The following FAHD1 variants were observed in gnomAD, a reference collection of about 807,000 sequenced individuals.
The protein encoded by FAHD1 is oxaloacetate tautomerase FAHD1, mitochondrial.
In FAHD1, 14 loss-of-function variants were observed where a neutral mutation model predicts 12.7. The observed-to-expected ratio is 1.10, with a 90% CI of 0.73 to 1.72. The LOEUF is 1.72. Ranked by LOEUF, FAHD1 falls within the 40% of genes most tolerant of loss-of-function variation. FAHD1 has a pLI of 0.00. For synonymous variants in FAHD1, 153 were observed against 124.9 expected, an observed-to-expected ratio of 1.22 and a Z score of -1.50; for missense variants, 351 against 298.9, an observed-to-expected ratio of 1.17 and a Z score of -1.29.
rs138706449 is a variant in FAHD1 at position 1,835,662 on chromosome 16, C to T, written c.628-2354C>T. ...TACAGGGGCTACACCTCCCATTGCA[C>T]GGACTGAGCTGTTTTAGAACTAGGT... On this transcript the variant is annotated intron_variant, in intron 1 of 2. Transcript: ENST00000382666. Among the ~76,000 whole-genome samples, 72 of 152,196 alleles carry T rather than the reference C, an allele frequency of 4.7e-4. 1 individual carries two copies. The highest frequency in any genetic ancestry group is 1.5e-3 in the African/African-American group (61 of 41,542).
chr16:1,828,288 A>C (rs907039453), exon 1 of FAHD1: 17 of 1,003,920 alleles, frequency 1.7e-5, no homozygotes, highest in Non-Finnish European at 1.6e-5. Flanking sequence ...AAAAAAAAAA[A>C]AAAAAGAAAC....
intron 1 of FAHD1, among the ~76,000 whole-genome samples, chr16:1,836,944 A>G (rs1898763321): frequency 6.6e-6 from 1 of 152,176 alleles, no homozygotes; most frequent in African/African-American, 2.4e-5. Context: ...GGGAGAATAC[A>G]AGAGAAAAGA....
chr16:1,829,236 C>G (rs1898580523), downstream of FAHD1, among the ~76,000 whole-genome samples: 1 of 152,188 alleles, frequency 6.6e-6, no homozygotes, highest in Non-Finnish European at 1.5e-5. Flanking sequence ...CTGCTGGCCC[C>G]TGAAGAAAGC....
At chr16:1,833,769 G>C (rs1898667182), downstream of FAHD1, among the ~76,000 whole-genome samples, 1 of 151,948 alleles carries the variant, frequency 6.6e-6, no homozygotes, top group Non-Finnish European at 1.5e-5. Context: ...CACTGTGTTA[G>C]CCAGGATGGT....
At chr16:1,830,166 C>A (rs1231696863), downstream of FAHD1, among the ~76,000 whole-genome samples, 1 of 152,194 alleles carries the variant, frequency 6.6e-6, no homozygotes, top group Admixed American at 6.5e-5. Flanking sequence ...CCCAGCTATA[C>A]CATACAATTA....
intron 1 of FAHD1, among the ~76,000 whole-genome samples, chr16:1,835,084 G>C (rs1476130321): frequency 6.6e-6 from 1 of 152,128 alleles, no homozygotes; most frequent in East Asian, 1.9e-4. Context: ...GTGAAACCCT[G>C]TCTCTACTAA....
At chr16:1,827,536 A>G in exon 1 of FAHD1, 2 of 1,613,214 alleles carry the variant, frequency 1.2e-6, no homozygotes, top group East Asian at 2.2e-5. Context: ...GTGCCTGGAT[A>G]TGACCGCCCG....
intron 1 of FAHD1, among the ~76,000 whole-genome samples, chr16:1,836,933 C>T (rs1657150): frequency 1.5e-3 from 226 of 152,250 alleles, no homozygotes; most frequent in African/African-American, 5.1e-3. Flanking sequence ...CATTAACTTG[C>T]GGGAGAATAC....
At chr16:1,835,365 T>G (rs1898715335) in intron 1 of FAHD1, among the ~76,000 whole-genome samples, 2 of 152,170 alleles carry the variant, frequency 1.3e-5, no homozygotes, top group Non-Finnish European at 2.9e-5. Context: ...TCTGTGAGAC[T>G]ACAGGAATAT....
chr16:1,828,095 C>T (rs1266795770), exon 1 of FAHD1: 4 of 1,141,616 alleles, frequency 3.5e-6, no homozygotes, highest in Non-Finnish European at 4.7e-6. Context: ...TCTTGGCTAA[C>T]AGGGTGAAAC....
At chr16:1,839,608 TTCTACGCAGC>T (rs1462080592) in exon 3 of FAHD1, 1 of 582,616 alleles carries the variant, frequency 1.7e-6, no homozygotes, top group African/African-American at 1.9e-5. Flanking sequence ...AAAACACACT[TTCTACGCAGC>T]CATTCTCAGG....
intron 1 of FAHD1, among the ~76,000 whole-genome samples, chr16:1,836,786 G>A (rs1013794928): frequency 2.0e-5 from 3 of 147,204 alleles, no homozygotes. Context: ...TCATCAGCAC[G>A]CAATGTTTTC....
At chr16:1,833,680 G>A (rs1289076249), downstream of FAHD1, among the ~76,000 whole-genome samples, 1 of 149,130 alleles carries the variant, frequency 6.7e-6, no homozygotes, top group Non-Finnish European at 1.5e-5. Context: ...TCCTGCCTCA[G>A]CCTCCCGAGT....
chr16:1,834,531 A>G (rs1379026367), intron 1 of FAHD1, among the ~76,000 whole-genome samples: 2 of 152,246 alleles, frequency 1.3e-5, no homozygotes, highest in Non-Finnish European at 2.9e-5. Context: ...GAAGAGTTCC[A>G]GTCTCGGAGT....
chr16:1,837,868 T>A (rs2142074705), intron 1 of FAHD1: 1 of 1,506,032 alleles, frequency 6.6e-7, no homozygotes, highest in South Asian at 1.3e-5. Flanking sequence ...GAAACTCATG[T>A]ACCTGGTTAA....
exon 1 of FAHD1, chr16:1,827,545 C>G (rs370268598): frequency 6.2e-7 from 1 of 1,613,164 alleles, no homozygotes; most frequent in Admixed American, 1.7e-5. Flanking sequence ...TATGACCGCC[C>G]GGGACGTGCA....
chr16:1,827,707 G>T, exon 1 of FAHD1: 2 of 1,614,132 alleles, frequency 1.2e-6, no homozygotes, highest in Non-Finnish European at 1.7e-6. Flanking sequence ...CAGACAGGAG[G>T]GTGAGACATC....
chr16:1,837,848 G>A, intron 1 of FAHD1: 1 of 1,532,586 alleles, frequency 6.5e-7, no homozygotes, highest in East Asian at 2.5e-5. Context: ...CTGTTCATCT[G>A]TCATTGCAAG....
exon 1 of FAHD1, chr16:1,827,778 A>G: frequency 6.2e-7 from 1 of 1,614,098 alleles, no homozygotes. Flanking sequence ...TAACCTTGGA[A>G]GAAGGAGATA....
Sources: gnomAD v4.1 joint callset for allele counts (sites outside exome capture counted in the v4.1 genomes callset) on GRCh38, gnomAD v4.1.1 for gene constraint, MANE v1.5 for transcripts, NCBI Gene and HGNC (gene_info 2026-07-23, HGNC 2026-07-21) for gene names.